The following PIK3R5 variants were observed in gnomAD, a reference collection of about 807,000 sequenced individuals.
PIK3R5 encodes phosphoinositide 3-kinase regulatory subunit 5.
Under a neutral mutation model 94.9 loss-of-function variants are expected in PIK3R5, and 32 were observed. That is an observed-to-expected ratio of 0.34 (90% CI 0.25 to 0.45). The LOEUF is 0.45. PIK3R5 is among the 20% of genes least tolerant of loss of function. The pLI is 1.00. For missense variants in PIK3R5, 853 were observed against 1,144.6 expected, an observed-to-expected ratio of 0.75 and a Z score of 3.68; for synonymous variants, 443 against 479.4, an observed-to-expected ratio of 0.92 and a Z score of 0.99.
chr17:8,940,712 C>G (rs978716734), intron 1 of PIK3R5, among the ~76,000 whole-genome samples: 1 of 152,128 alleles, frequency 6.6e-6, no homozygotes, highest in Non-Finnish European at 1.5e-5. Flanking sequence ...AGGCATGAGC[C>G]ATCATGCCTG....
Position 8,964,451 on chromosome 17 carries a change from T to C in PIK3R5, c.-14+1145A>G, listed in dbSNP as rs560122528. 3.3e-5 allele frequency among the ~76,000 whole-genome samples: 5 copies of C among 152,274 alleles called. No homozygotes were observed. The East Asian group carries it at 7.7e-4, about 23-fold the overall frequency. On this transcript the variant is annotated intron_variant, in intron 1 of 18. Transcript: ENST00000447110. ...TGGGTCAGTATGACAGCCCATTTTA[T>C]GAATCAGGAGACTGAGGCTGGGTTG... is the stretch of plus-strand genomic sequence containing the variant.
chr17:8,963,467 A>T (rs752000509), intron 1 of PIK3R5, among the ~76,000 whole-genome samples: 2 of 150,574 alleles, frequency 1.3e-5, no homozygotes, highest in Non-Finnish European at 3.0e-5. Context: ...ATCAACCCCA[A>T]ATGCTCTTGT....
In PIK3R5 at chr17:8,911,470, T is replaced by A; in HGVS notation, c.25A>T (p.Thr9Ser). 6.3e-7 allele frequency: 1 copy of A among 1,599,792 alleles called. No individual in the cohort carries two copies. Among genetic ancestry groups the A allele is most frequent in the Non-Finnish European group, 8.5e-7 (1 of 1,179,854 alleles). Residue 9 changes from threonine to serine, a missense_variant, in exon 2 of 19, where the codon ACG becomes TCG. Thr to Ser is a moderately conservative substitution (Grantham distance 58, BLOSUM62 1). Transcript: ENST00000447110. This position sits in a 1 kb window ranked among gnomAD's most constrained non-coding sequence, Gnocchi z 5.3. ...AGGGCATGCTGGATGCGGTCCTCCG[T>A]GCATGTCGTGGCCCCTGGCTGCATC... MQPGATTC[T>S]EDRIQHALER...
chr17:8,888,809 C>CTCCTCT lies in PIK3R5; in HGVS notation c.972_977dup (p.Glu328_Glu329dup), dbSNP rs1739253022. ...CCAAGTCCTCCTCCACCTCCTCCTC[C>CTCCTCT]TCCTCTTCCTCCTCTTCATCATCTC... is the stretch of plus-strand genomic sequence containing the variant. On this transcript the variant is annotated inframe_insertion, in exon 10 of 19. Transcript: ENST00000447110. The surrounding 1 kb of genome is among the most constrained non-coding windows in gnomAD (Gnocchi z 7.8). The CTCCTCT allele has an allele frequency of 6.2e-7, 1 of 1,610,200 alleles. No individual in the cohort carries two copies. The highest frequency in any genetic ancestry group is 8.5e-7 in the Non-Finnish European group (1 of 1,179,856).
Position 8,904,891 on chromosome 17 carries a change from C to T in PIK3R5, c.298G>A (p.Asp100Asn). Residue 100 changes from aspartate (D) to asparagine (N), a missense_variant, in exon 5 of 19, where the codon GAT (aspartate) becomes AAT (asparagine). Around this residue, in one of 6 missense-constraint regions of PIK3R5, gnomAD observed 108 missense variants for 170.1 expected, o/e 0.63. Transcript: ENST00000447110. The surrounding 1 kb of genome is among the most constrained non-coding windows in gnomAD (Gnocchi z 5.1). ...LCTPHFPPDS[D>N]LLLKAASTYH... ...GTGCTGGCTGCCTTCAGAAGGAGAT[C>T]CGAGTCTGGTGGGAAGTGTGGTGTC... 1 of 1,613,528 alleles carries T rather than the reference C, an allele frequency of 6.2e-7. No individual in the cohort carries two copies. Among genetic ancestry groups the T allele is most frequent in the Non-Finnish European group, 8.5e-7 (1 of 1,180,014 alleles).
intron 1 of PIK3R5, among the ~76,000 whole-genome samples, chr17:8,957,073 C>T (rs1478172390): frequency 6.6e-6 from 1 of 152,148 alleles, no homozygotes; most frequent in Non-Finnish European, 1.5e-5. Flanking sequence ...TTCAAGGTCA[C>T]TGAACTACTC....
chr17:8,910,648 G>A (rs1294082915), intron 2 of PIK3R5, among the ~76,000 whole-genome samples: 3 of 152,176 alleles, frequency 2.0e-5, no homozygotes, highest in Non-Finnish European at 2.9e-5. Flanking sequence ...AAAGGCCAAG[G>A]ACAGCCTCTC....
Position 8,880,802 on chromosome 17 carries a change from G to C in PIK3R5, c.2496-16C>G, listed in dbSNP as rs2089635019. 4 of 1,612,906 alleles carry C rather than the reference G, an allele frequency of 2.5e-6. No individual in the cohort carries two copies. In the South Asian group the frequency reaches 3.3e-5, roughly 13 times the overall value. On this transcript the variant is annotated splice_polypyrimidine_tract_variant and intron_variant, in intron 18 of 18. Coordinates refer to ENST00000447110, the MANE Select transcript of PIK3R5 (RefSeq NM_001142633.3). ...GACCTCACATCTGTGCAGCAGGGCAGGGGCCAGGGATCAGAGCAGGCCCCC... is the reference window on the plus strand; with the variant it reads ...GACCTCACATCTGTGCAGCAGGGCACGGGCCAGGGATCAGAGCAGGCCCCC...
chr17:8,902,817 A>G (rs1023116388), intron 5 of PIK3R5, among the ~76,000 whole-genome samples: 25 of 151,478 alleles, frequency 1.7e-4, no homozygotes, highest in Admixed American at 1.6e-3. Context: ...TGTTTGCATT[A>G]GAACTCTTAA....
At chr17:8,914,866 A>C (rs2090599797) in intron 1 of PIK3R5, among the ~76,000 whole-genome samples, 1 of 152,258 alleles carries the variant, frequency 6.6e-6, no homozygotes. Context: ...CAGCAGCATG[A>C]GGGAAACCTA....
At position 8,888,239 on chromosome 17, in the gene PIK3R5, C is replaced by T. The variant is rs780537367; in HGVS notation, c.1548G>A (p.Thr516=). 5.6e-6 allele frequency: 9 copies of T among 1,613,338 alleles called. No individual in the cohort carries two copies. Among genetic ancestry groups the T allele is most frequent in the East Asian group, 2.2e-5 (1 of 44,846 alleles). The change falls in exon 10 of 19, where the codon ACG becomes ACA. Residue 516 remains threonine, a synonymous_variant. Coordinates refer to ENST00000447110, the MANE Select transcript of PIK3R5 (RefSeq NM_001142633.3). The surrounding 1 kb of genome is among the most constrained non-coding windows in gnomAD (Gnocchi z 7.8). ...LSGDEDPKAS[T]LRVVVFGSDR... is the part of the protein sequence containing the mutation. ...CGGAGCCAAAGACCACAACACGTAGCGTGGAAGCCTTGGGATCCTCATCTC... is the reference window on the plus strand; with the variant it reads ...CGGAGCCAAAGACCACAACACGTAGTGTGGAAGCCTTGGGATCCTCATCTC...
Position 8,911,567 on chromosome 17 carries a change from C to A in PIK3R5, c.-13-60G>T. On this transcript the variant is annotated intron_variant, in intron 1 of 18. Coordinates refer to ENST00000447110, the MANE Select transcript of PIK3R5 (RefSeq NM_001142633.3). This position sits in a 1 kb window ranked among gnomAD's most constrained non-coding sequence, Gnocchi z 5.3. ...GCTCCTTTCCCAGAGAGCACCTGGTCCAGTAAAGACAACAGGTGCTCACAG... is the reference window on the plus strand; with the variant it reads ...GCTCCTTTCCCAGAGAGCACCTGGTACAGTAAAGACAACAGGTGCTCACAG... 8.9e-7 allele frequency: 1 copy of A among 1,119,374 alleles called. No homozygotes were observed. The highest frequency in any genetic ancestry group is 1.3e-5 in the South Asian group (1 of 74,536). The allele number at this position is 1,119,374 out of a possible 1,614,324, so 69.3% of individuals were successfully genotyped here. A position where few individuals can be genotyped will look rare whatever the true frequency, so the allele number is the denominator to read the frequency against.
At chr17:8,919,465 G>C (rs1338850367) in intron 1 of PIK3R5, among the ~76,000 whole-genome samples, 1 of 152,208 alleles carries the variant, frequency 6.6e-6, no homozygotes. Context: ...CCCCCAACCT[G>C]AAGTTCCTAA....
intron 14 of PIK3R5, among the ~76,000 whole-genome samples, chr17:8,885,693 A>C (rs2089819048): frequency 1.5e-5 from 1 of 64,904 alleles, no homozygotes; most frequent in African/African-American, 7.2e-5. Context: ...CCTCCTAGGT[A>C]ACCCCGCCCT....
chr17:8,918,656 T>C (rs1204428692), intron 1 of PIK3R5, among the ~76,000 whole-genome samples: 2 of 152,204 alleles, frequency 1.3e-5, no homozygotes, highest in East Asian at 1.9e-4. Context: ...TGATGAATGC[T>C]AAAAATCTGT....
chr17:8,938,611 C>A (rs2091118654), intron 1 of PIK3R5, among the ~76,000 whole-genome samples: 1 of 152,194 alleles, frequency 6.6e-6, no homozygotes, highest in South Asian at 2.1e-4. Flanking sequence ...CTGGACAATT[C>A]ATATAAATGA....
chr17:8,949,111 C>T (rs1032743785), intron 1 of PIK3R5, among the ~76,000 whole-genome samples: 1 of 152,130 alleles, frequency 6.6e-6, no homozygotes, highest in Non-Finnish European at 1.5e-5. Flanking sequence ...TAGGGAAATG[C>T]TGGCAGTTCA....
At chr17:8,912,803 T>C (rs2090554048) in intron 1 of PIK3R5, among the ~76,000 whole-genome samples, 1 of 152,218 alleles carries the variant, frequency 6.6e-6, no homozygotes, top group Non-Finnish European at 1.5e-5. Flanking sequence ...AGGCAAATCC[T>C]CCTGCCTCCC....
At chr17:8,947,157 A>G (rs935506237) in intron 1 of PIK3R5, among the ~76,000 whole-genome samples, 3 of 118,672 alleles carry the variant, frequency 2.5e-5, no homozygotes, top group Non-Finnish European at 3.2e-5. Context: ...GCATCAAAAA[A>G]TGAACCTAGA....
Sources: gnomAD v4.1 joint callset for allele counts (sites outside exome capture counted in the v4.1 genomes callset) on GRCh38, gnomAD v4.1.1 for gene constraint, gnomAD v4.1.1 regional missense constraint, Gnocchi (gnomAD v3.1) non-coding constraint, MANE v1.5 for transcripts, NCBI Gene and HGNC (gene_info 2026-07-23, HGNC 2026-07-21) for gene names.